TRIM23: variants seen among roughly 807,000 people sequenced by gnomAD.
The protein encoded by TRIM23 is tripartite motif containing 23, also known as E3 ubiquitin-protein ligase TRIM23.
TRIM23 carries 27 observed loss-of-function variants against 71.0 expected under a neutral mutation model. That is an observed-to-expected ratio of 0.38 (90% CI 0.28 to 0.52). The LOEUF is 0.52. Among genes scored for constraint, TRIM23 ranks in the 20% least tolerant of loss-of-function variants. The pLI is 0.84. For missense variants in TRIM23, 482 were observed against 692.3 expected (o/e 0.70, Z 3.41); for synonymous variants, 234 against 238.0 (o/e 0.98, Z 0.16).
At chr5:65,605,671 A>G (rs1186190177) in intron 6 of TRIM23, among the ~76,000 whole-genome samples, 2 of 152,220 alleles carry the variant, frequency 1.3e-5, no homozygotes, top group Non-Finnish European at 2.9e-5. Context: ...CCACTCCTCA[A>G]AGTCAAGAAC....
At chr5:65,599,972 T>A (rs941463820) in intron 7 of TRIM23, among the ~76,000 whole-genome samples, 1 of 152,170 alleles carries the variant, frequency 6.6e-6, no homozygotes, top group African/African-American at 2.4e-5. Context: ...TGGCATCAGC[T>A]TGGCTTCAGG....
chr5:65,599,516 A>G (rs1367475763), intron 7 of TRIM23, among the ~76,000 whole-genome samples: 5 of 152,334 alleles, frequency 3.3e-5, no homozygotes, highest in Non-Finnish European at 7.3e-5. Flanking sequence ...CTTTTGCACC[A>G]ACCTAATATG....
chr5:65,594,209 T>C (rs542393580), intron 10 of TRIM23, among the ~76,000 whole-genome samples: 22 of 152,360 alleles, frequency 1.4e-4, no homozygotes, highest in African/African-American at 5.0e-4. Context: ...TCTTACAACA[T>C]GCCACATTTA....
chr5:65,599,972 T>C (rs941463820), intron 7 of TRIM23, among the ~76,000 whole-genome samples: 2 of 152,288 alleles, frequency 1.3e-5, no homozygotes. Flanking sequence ...TGGCATCAGC[T>C]TGGCTTCAGG....
At chr5:65,608,217 G>A (rs537795170) in intron 6 of TRIM23, among the ~76,000 whole-genome samples, 1 of 152,048 alleles carries the variant, frequency 6.6e-6, no homozygotes, top group Non-Finnish European at 1.5e-5. Flanking sequence ...CGAGAAGGGT[G>A]GTCTCCTCAC....
intron 2 of TRIM23, among the ~76,000 whole-genome samples, chr5:65,616,920 C>A (rs571352849): frequency 1.6e-4 from 25 of 152,202 alleles, no homozygotes; most frequent in African/African-American, 5.8e-4. Flanking sequence ...AGGGGTCTCA[C>A]CATTTTGGCC....
chr5:65,592,771 CTGTT>C (rs1291042081), intron 10 of TRIM23, among the ~76,000 whole-genome samples: 3 of 152,124 alleles, frequency 2.0e-5, no homozygotes, highest in Non-Finnish European at 2.9e-5. Context: ...GCAGGGTTTT[CTGTT>C]TGTTTTTTAC....
Position 65,591,807 on chromosome 5 carries a change from G to A in TRIM23, c.1687C>T (p.Arg563Trp). The A allele has an allele frequency of 1.2e-6, 2 of 1,610,076 alleles. No homozygotes were observed. Among genetic ancestry groups the A allele is most frequent in the South Asian group, 1.1e-5 (1 of 90,420 alleles). ...GLYEGLDWLS[R>W]QLVAAGVLDV... ...AATACTCCAGCAGCTACAAGTTGCCGTGAGAGCCAGTCCAACCCTTCATAC... is the reference window on the plus strand; with the variant it reads ...AATACTCCAGCAGCTACAAGTTGCCATGAGAGCCAGTCCAACCCTTCATAC... The change falls in exon 11 of 11, where the codon CGG becomes TGG. Residue 563 changes from arginine (R) to tryptophan (W), a missense_variant. Physicochemically the swap from Arg to Trp is moderately radical, Grantham distance 101 (BLOSUM62 -3). Transcript: ENST00000231524.
chr5:65,613,763 G>T, intron 3 of TRIM23: 2 of 1,227,808 alleles, frequency 1.6e-6, no homozygotes, highest in South Asian at 2.9e-5. Flanking sequence ...TTTTACTGTT[G>T]ACTACTTTTG....
chr5:65,601,334 C>A (rs1192607226), intron 7 of TRIM23, among the ~76,000 whole-genome samples: 1 of 152,132 alleles, frequency 6.6e-6, no homozygotes, highest in Non-Finnish European at 1.5e-5. Flanking sequence ...ATACCCAAGA[C>A]TGGGAAGAAA....
At chr5:65,619,154 T>C (rs1040076089) in intron 1 of TRIM23, among the ~76,000 whole-genome samples, 4 of 152,240 alleles carry the variant, frequency 2.6e-5, no homozygotes, top group Admixed American at 1.3e-4. Flanking sequence ...GTCCCTGTCC[T>C]ATTGCTTCAC....
intron 1 of TRIM23, among the ~76,000 whole-genome samples, chr5:65,623,218 G>T (rs907784872): frequency 6.6e-6 from 1 of 152,140 alleles, no homozygotes; most frequent in African/African-American, 2.4e-5. Context: ...ATATTACCTT[G>T]ATCAGTAATT....
At chr5:65,596,337 G>GT in intron 9 of TRIM23, 84 bp downstream of exon 9, 1 of 923,496 alleles carries the variant, frequency 1.1e-6, no homozygotes, top group Non-Finnish European at 1.7e-6. Context: ...TTAATCATAA[G>GT]TATCAGCTTT....
At chr5:65,611,518 G>C (rs1453440281) in intron 4 of TRIM23, 85 bp downstream of exon 4, 2 of 1,461,086 alleles carry the variant, frequency 1.4e-6, no homozygotes, top group East Asian at 2.3e-5. Flanking sequence ...CCTACTTTCA[G>C]AATAAAGAAC....
intron 3 of TRIM23, among the ~76,000 whole-genome samples, chr5:65,613,539 T>C (rs1754706325): frequency 6.6e-6 from 1 of 152,226 alleles, no homozygotes. Context: ...GTGCTAAAAA[T>C]ATACTTTTAC....
At chr5:65,624,101 T>A in intron 1 of TRIM23, 93 bp downstream of exon 1, 1 of 1,487,762 alleles carries the variant, frequency 6.7e-7, no homozygotes, top group Non-Finnish European at 9.3e-7. Context: ...GCATCCCACC[T>A]ATCGAAGCCT....
At chr5:65,608,379 T>C (rs1420979317) in intron 6 of TRIM23, among the ~76,000 whole-genome samples, 2 of 152,144 alleles carry the variant, frequency 1.3e-5, no homozygotes, top group Non-Finnish European at 2.9e-5. Flanking sequence ...ATAGCATACA[T>C]ATCAACTGTT....
chr5:65,611,370 G>A (rs1002700707), intron 4 of TRIM23, among the ~76,000 whole-genome samples: 1 of 151,664 alleles, frequency 6.6e-6, no homozygotes, highest in Non-Finnish European at 1.5e-5. Context: ...TTTGTTTCCT[G>A]CTCGAAAGCT....
chr5:65,592,073 A>C lies in TRIM23; in HGVS notation c.1546-125T>G, dbSNP rs1057101718. On this transcript the variant is annotated intron_variant, in intron 10 of 10. Transcript: ENST00000231524. ...AAGCCTAAACAAAAAACCTAGATTC[A>C]TCTTTCAGTAATTATTCTGAGATTA... The C allele has an allele frequency of 4.5e-6, 4 of 890,558 alleles. No homozygotes were observed. The African/African-American group carries it at 6.8e-5, about 15-fold the overall frequency. 55.2% of individuals were successfully genotyped at this position (890,558 alleles called of 1,614,324 possible).
Sources: gnomAD v4.1 joint callset for allele counts (sites outside exome capture counted in the v4.1 genomes callset) on GRCh38, gnomAD v4.1.1 for gene constraint, MANE v1.5 for transcripts, NCBI Gene and HGNC (gene_info 2026-07-23, HGNC 2026-07-21) for gene names.